PCSK2: variants seen among roughly 807,000 people sequenced by gnomAD.
PCSK2 encodes proprotein convertase subtilisin/kexin type 2, also known as neuroendocrine convertase 2.
PCSK2 carries 14 observed loss-of-function variants against 69.7 expected under a neutral mutation model. That is an observed-to-expected ratio of 0.20 (90% CI 0.13 to 0.31). PCSK2 has a LOEUF of 0.31. Ranked by LOEUF, PCSK2 falls within the 10% of genes least tolerant of loss-of-function variation. The probability of loss-of-function intolerance (pLI) is 1.00; values close to 1 mark genes in which losing one functional copy is unlikely to be tolerated. For missense variants in PCSK2, 544 were observed against 842.5 expected (o/e 0.65, Z 4.39); for synonymous variants, 307 against 320.7 (o/e 0.96, Z 0.46).
intron 10 of PCSK2, 182 bp from the exon 11 acceptor site, chr20:17,465,144 C>A: frequency 4.7e-6 from 3 of 633,182 alleles, no homozygotes; most frequent in South Asian, 3.7e-5. Context: ...CTTTAATTGA[C>A]TTATATAGTG....
chr20:17,242,973 A>G (rs888649751), intron 1 of PCSK2, among the ~76,000 whole-genome samples: 1 of 152,058 alleles, frequency 6.6e-6, no homozygotes, highest in Admixed American at 6.5e-5. Flanking sequence ...ATGCCACTCT[A>G]CCTCTGGGAA....
intron 6 of PCSK2, among the ~76,000 whole-genome samples, chr20:17,415,185 G>A (rs967548423): frequency 8.5e-5 from 13 of 152,144 alleles, no homozygotes; most frequent in African/African-American, 3.1e-4. Flanking sequence ...GTTCTGGCCA[G>A]GGCAATCAGG....
intron 1 of PCSK2, among the ~76,000 whole-genome samples, chr20:17,249,706 C>T (rs1050934976): frequency 2.6e-5 from 4 of 152,084 alleles, no homozygotes; most frequent in African/African-American, 9.7e-5. Flanking sequence ...CATGATGAAC[C>T]TTGAAGACAT....
At chr20:17,324,447 T>C (rs565485013) in intron 2 of PCSK2, among the ~76,000 whole-genome samples, 51 of 152,156 alleles carry the variant, frequency 3.4e-4, no homozygotes, top group Non-Finnish European at 4.4e-4. Context: ...GGGTAACTAA[T>C]GCAGAAAATG....
chr20:17,310,192 G>A (rs1377763904), intron 2 of PCSK2, among the ~76,000 whole-genome samples: 4 of 152,058 alleles, frequency 2.6e-5, no homozygotes, highest in African/African-American at 9.7e-5. Flanking sequence ...TTCCATACAC[G>A]AGTCATTCCA....
chr20:17,393,763 A>G (rs1486658714), intron 5 of PCSK2, among the ~76,000 whole-genome samples: 1 of 152,212 alleles, frequency 6.6e-6, no homozygotes, highest in Non-Finnish European at 1.5e-5. Context: ...TTCCTAAAAT[A>G]ACAACAAAAT....
At chr20:17,430,730 T>C (rs777892655) in intron 7 of PCSK2, among the ~76,000 whole-genome samples, 2 of 152,212 alleles carry the variant, frequency 1.3e-5, no homozygotes, top group Non-Finnish European at 2.9e-5. Flanking sequence ...TAATATTTTA[T>C]AAGCCAGGCT....
Position 17,336,054 on chromosome 20 carries a change from G to T in PCSK2, c.283-22273G>T, listed in dbSNP as rs551399530. Among the ~76,000 whole-genome samples, 8 of 152,218 alleles carry T rather than the reference G, an allele frequency of 5.3e-5. No homozygotes were observed. In the South Asian group the frequency reaches 1.5e-3, roughly 28 times the overall value. On this transcript the variant is annotated intron_variant, in intron 2 of 11. Coordinates refer to ENST00000262545, the MANE Select transcript of PCSK2 (RefSeq NM_002594.5). ...ATCCAGGTCAAAGAGAGGAACACAG[G>T]TTCTACCTCTTGATGAGAAGAATAT...
intron 6 of PCSK2, among the ~76,000 whole-genome samples, chr20:17,417,976 C>T (rs956552398): frequency 2.6e-5 from 4 of 152,118 alleles, no homozygotes. Context: ...AATAACAAAA[C>T]TAGGACTTCA....
intron 9 of PCSK2, 72 bp downstream of exon 9, chr20:17,454,029 C>T: frequency 1.3e-6 from 2 of 1,585,174 alleles, no homozygotes; most frequent in South Asian, 2.3e-5. Flanking sequence ...GATGCTGGGA[C>T]ACTGGCTTGC....
At chr20:17,398,355 T>C (rs1300870679) in intron 5 of PCSK2, among the ~76,000 whole-genome samples, 1 of 151,864 alleles carries the variant, frequency 6.6e-6, no homozygotes, top group East Asian at 1.9e-4. Context: ...TGAAACTCTG[T>C]CTTTACAATT....
chr20:17,283,716 A>G (rs1454702589), intron 2 of PCSK2, among the ~76,000 whole-genome samples: 1 of 152,198 alleles, frequency 6.6e-6, no homozygotes, highest in African/African-American at 2.4e-5. Context: ...GCACCGAAGA[A>G]CTAAGTCACT....
At chr20:17,416,862 G>T (rs1290690435) in intron 6 of PCSK2, among the ~76,000 whole-genome samples, 1 of 152,206 alleles carries the variant, frequency 6.6e-6, no homozygotes, top group African/African-American at 2.4e-5. Context: ...ATGAGTTCAT[G>T]TCCTTTTCAG....
At chr20:17,437,677 T>A (rs1267739381) in intron 8 of PCSK2, among the ~76,000 whole-genome samples, 1 of 152,186 alleles carries the variant, frequency 6.6e-6, no homozygotes, top group Non-Finnish European at 1.5e-5. Flanking sequence ...AGAGTCAGAA[T>A]TTGTCCCAGT....
intron 8 of PCSK2, among the ~76,000 whole-genome samples, chr20:17,441,998 G>T (rs2032607391): frequency 6.7e-6 from 1 of 148,664 alleles, no homozygotes. Context: ...CAATATGATT[G>T]GTGTCCTTAT....
At chr20:17,321,898 A>G (rs1446386152) in intron 2 of PCSK2, among the ~76,000 whole-genome samples, 2 of 152,184 alleles carry the variant, frequency 1.3e-5, no homozygotes, top group African/African-American at 4.8e-5. Context: ...GGTTTTGTCA[A>G]TTGGGCATAA....
At chr20:17,248,694 C>T (rs1423564123) in intron 1 of PCSK2, among the ~76,000 whole-genome samples, 1 of 152,170 alleles carries the variant, frequency 6.6e-6, no homozygotes, top group Non-Finnish European at 1.5e-5. Context: ...CAATTAGCTC[C>T]ATTTTCTTTC....
In PCSK2 at chr20:17,227,341, C is replaced by T. The variant is rs754070246; in HGVS notation, c.36C>T (p.Ala12=). ...KGGCVSQWKA[A]AGFLFCVMVF... is the part of the protein sequence containing the mutation. ...GTTGTGTCTCCCAGTGGAAGGCGGCCGCCGGGTTCCTCTTCTGTGTCATGG... is the reference window on the plus strand; with the variant it reads ...GTTGTGTCTCCCAGTGGAAGGCGGCTGCCGGGTTCCTCTTCTGTGTCATGG... Residue 12 remains alanine, a synonymous_variant, in exon 1 of 12, where the codon GCC becomes GCT. Transcript: ENST00000262545. The T allele has an allele frequency of 6.2e-7, 1 of 1,613,892 alleles. No individual in the cohort carries two copies. Among genetic ancestry groups the T allele is most frequent in the African/African-American group, 1.3e-5 (1 of 75,012 alleles).
intron 2 of PCSK2, among the ~76,000 whole-genome samples, chr20:17,315,992 G>A (rs1481638961): frequency 6.6e-6 from 1 of 152,236 alleles, no homozygotes; most frequent in African/African-American, 2.4e-5. Context: ...GATCATTCCT[G>A]CTGGGAGCGA....
Sources: gnomAD v4.1 joint callset for allele counts (sites outside exome capture counted in the v4.1 genomes callset) on GRCh38, gnomAD v4.1.1 for gene constraint, MANE v1.5 for transcripts, NCBI Gene and HGNC (gene_info 2026-07-23, HGNC 2026-07-21) for gene names.